Variants in ASB7 observed in about 807,000 individuals in gnomAD.
ASB7 encodes ankyrin repeat and SOCS box protein 7.
ASB7 carries 4 observed loss-of-function variants against 32.5 expected under a neutral mutation model. The observed-to-expected ratio is 0.12, with a 90% CI of 0.06 to 0.28. The LOEUF (loss-of-function observed/expected upper bound fraction) is 0.28. ASB7 is among the 10% of genes least tolerant of loss of function. The pLI, the probability that ASB7 is intolerant of heterozygous loss-of-function variation, is 1.00. For synonymous variants in ASB7, 172 were observed against 155.6 expected (o/e 1.11, Z -0.78); for missense variants, 181 against 407.1 (o/e 0.44, Z 4.78).
chr15:100,624,421 T>A (rs577738993), intron 4 of ASB7, among the ~76,000 whole-genome samples: 6 of 152,294 alleles, frequency 3.9e-5, no homozygotes, highest in African/African-American at 1.4e-4. Context: ...ATATACCCAG[T>A]AAACATGTAA....
intron 5 of ASB7, among the ~76,000 whole-genome samples, chr15:100,635,939 C>G (rs1004650087): frequency 1.3e-5 from 2 of 152,200 alleles, no homozygotes; most frequent in African/African-American, 4.8e-5. Flanking sequence ...ACAAGGGTTA[C>G]TCTCACCTCC....
At chr15:100,616,920 A>G (rs1416774718) in intron 4 of ASB7, among the ~76,000 whole-genome samples, 1 of 152,226 alleles carries the variant, frequency 6.6e-6, no homozygotes, top group African/African-American at 2.4e-5. Flanking sequence ...CTCATGGCTC[A>G]TAGACATCGC....
At chr15:100,613,748 C>T (rs1349617445) in intron 4 of ASB7, among the ~76,000 whole-genome samples, 1 of 152,150 alleles carries the variant, frequency 6.6e-6, no homozygotes, top group Non-Finnish European at 1.5e-5. Context: ...TTCTGCCAGC[C>T]TTACTTTAAA....
chr15:100,636,017 G>C (rs1455592387), intron 5 of ASB7, among the ~76,000 whole-genome samples: 8 of 152,174 alleles, frequency 5.3e-5, no homozygotes, highest in Admixed American at 5.2e-4. Context: ...GTTCCTGGGA[G>C]TAAAACTCAC....
chr15:100,624,762 C>T (rs2039822967), intron 4 of ASB7, among the ~76,000 whole-genome samples: 1 of 152,178 alleles, frequency 6.6e-6, no homozygotes, highest in Non-Finnish European at 1.5e-5. Context: ...GGGAACACTT[C>T]CAAGCTTGTT....
chr15:100,622,117 A>T (rs1253219859), intron 4 of ASB7, among the ~76,000 whole-genome samples: 4 of 152,146 alleles, frequency 2.6e-5, no homozygotes, highest in African/African-American at 9.6e-5. Flanking sequence ...AAATCAACAT[A>T]CAAAAATCAG....
At position 100,629,382 on chromosome 15, in the gene ASB7, G is replaced by A. The variant is rs2039866470; in HGVS notation, c.212-55G>A. ...CCACAGTTTGCTGTGCCATGGTAATGTTTGTTGTTTTGTCTTGGAGTCTGC... is the reference window on the plus strand; with the variant it reads ...CCACAGTTTGCTGTGCCATGGTAATATTTGTTGTTTTGTCTTGGAGTCTGC... On this transcript the variant is annotated intron_variant, in intron 4 of 5. Coordinates refer to ENST00000332783, the MANE Select transcript of ASB7 (RefSeq NM_198243.3). This position sits in a 1 kb window ranked among gnomAD's most constrained non-coding sequence, Gnocchi z 6.8. The A allele has an allele frequency of 6.8e-7, 1 of 1,462,376 alleles. No homozygotes were observed. Among genetic ancestry groups the A allele is most frequent in the Admixed American group, 1.9e-5 (1 of 52,608 alleles). 90.6% of individuals were successfully genotyped at this position (1,462,376 alleles called of 1,614,324 possible).
intron 5 of ASB7, among the ~76,000 whole-genome samples, chr15:100,637,026 A>G (rs1447626715): frequency 6.6e-6 from 1 of 152,246 alleles, no homozygotes; most frequent in Admixed American, 6.5e-5. Flanking sequence ...AAGACATTCC[A>G]ATTCCACTTA....
intron 2 of ASB7, 45 bp downstream of exon 2, chr15:100,603,358 C>T (rs2039585676): frequency 4.8e-6 from 1 of 207,752 alleles, no homozygotes; most frequent in Non-Finnish European, 9.6e-6. Flanking sequence ...TTCCTGGCCC[C>T]TACCTCATTA....
intron 1 of ASB7, 54 bp downstream of exon 1, chr15:100,603,100 G>A (rs1245786742): frequency 2.5e-6 from 1 of 398,748 alleles, no homozygotes; most frequent in Non-Finnish European, 4.4e-6. Context: ...AGGGTAGGAG[G>A]GAGGAAAATC....
intron 3 of ASB7, among the ~76,000 whole-genome samples, chr15:100,611,301 T>C (rs2039693047): frequency 6.6e-6 from 1 of 151,940 alleles, no homozygotes; most frequent in Non-Finnish European, 1.5e-5. Context: ...GGTCCCTTTT[T>C]CCTTGGCCTC....
At chr15:100,621,237 A>G (rs984821913) in intron 4 of ASB7, among the ~76,000 whole-genome samples, 4 of 152,246 alleles carry the variant, frequency 2.6e-5, no homozygotes, top group African/African-American at 9.6e-5. Flanking sequence ...TAGATTAAAT[A>G]TAATTCTTTT....
chr15:100,632,574 A>G (rs1362662178), intron 5 of ASB7, among the ~76,000 whole-genome samples: 1 of 152,192 alleles, frequency 6.6e-6, no homozygotes, highest in Non-Finnish European at 1.5e-5. Flanking sequence ...GGAGCACTAA[A>G]TCAAAGCTGA....
chr15:100,610,281 T>A (rs2141387574), intron 3 of ASB7, among the ~76,000 whole-genome samples: 1 of 152,016 alleles, frequency 6.6e-6, no homozygotes. Flanking sequence ...GATCACGAGG[T>A]CAGGAGATCG....
intron 4 of ASB7, among the ~76,000 whole-genome samples, chr15:100,619,419 A>ACT (rs2039772377): frequency 6.6e-6 from 1 of 152,256 alleles, no homozygotes; most frequent in Non-Finnish European, 1.5e-5. Context: ...ATGTGAACAT[A>ACT]TCAGAAGGGC....
At chr15:100,635,853 C>G (rs868469780) in intron 5 of ASB7, among the ~76,000 whole-genome samples, 4 of 152,198 alleles carry the variant, frequency 2.6e-5, no homozygotes, top group Non-Finnish European at 4.4e-5. Flanking sequence ...CCTCGTGGCT[C>G]TGAGACAAGG....
intron 5 of ASB7, among the ~76,000 whole-genome samples, chr15:100,632,257 C>T (rs1014494267): frequency 1.8e-4 from 27 of 152,258 alleles, no homozygotes; most frequent in African/African-American, 6.0e-4. Context: ...TGGCTGACTG[C>T]GCACAGCGAG....
intron 5 of ASB7, chr15:100,645,980 AG>A: frequency 2.0e-6 from 1 of 511,132 alleles, no homozygotes; most frequent in East Asian, 4.3e-5. Context: ...TTTCTTGGTC[AG>A]TTTGTGGATT....
chr15:100,610,494 C>CAAA (rs5814978), intron 3 of ASB7, among the ~76,000 whole-genome samples: 3,056 of 136,882 alleles, frequency 0.022, 111 homozygotes, highest in African/African-American at 0.076. Context: ...GACTCCGTCT[C>CAAA]AAAAAAAAAA....
Sources: allele counts gnomAD v4.1 joint callset (sites outside exome capture counted in the v4.1 genomes callset), GRCh38; gene constraint gnomAD v4.1.1; non-coding constraint Gnocchi (gnomAD v3.1); transcripts MANE v1.5; gene names NCBI Gene and HGNC (gene_info 2026-07-23, HGNC 2026-07-21).